Variants in TEX53 observed in about 807,000 individuals in gnomAD.
TEX53 encodes the protein testis-expressed protein 53.
At chr9:114,656,973 T>C (rs1589372042) in intron 1 of TEX53, among the ~76,000 whole-genome samples, 2 of 152,124 alleles carry the variant, frequency 1.3e-5, no homozygotes, top group African/African-American at 2.4e-5. Context: ...GCCTCCTCGG[T>C]TCACTCCATT....
At chr9:114,657,184 TGTC>T (rs1470833756) in intron 1 of TEX53, among the ~76,000 whole-genome samples, 3 of 152,192 alleles carry the variant, frequency 2.0e-5, no homozygotes, top group African/African-American at 7.2e-5. Flanking sequence ...CCTTGTTGAA[TGTC>T]TTCTTTGTGT....
chr9:114,657,263 C>T (rs548749595), intron 1 of TEX53, among the ~76,000 whole-genome samples: 1 of 152,210 alleles, frequency 6.6e-6, no homozygotes, highest in South Asian at 2.1e-4. Flanking sequence ...GCACAGTGGG[C>T]AATATATTAT....
intron 1 of TEX53, among the ~76,000 whole-genome samples, chr9:114,656,890 G>C (rs1564312144): frequency 6.6e-6 from 1 of 150,896 alleles, no homozygotes; most frequent in East Asian, 1.9e-4. Flanking sequence ...CTTTTTTTTT[G>C]TTTTGAGGTG....
intron 1 of TEX53, 115 bp downstream of exon 1, chr9:114,657,551 C>G (rs1827727197): frequency 2.5e-6 from 1 of 397,078 alleles, no homozygotes; most frequent in Non-Finnish European, 4.4e-6. Flanking sequence ...TCCACACTCC[C>G]AGAAGGCTGA....
In TEX53 at chr9:114,656,341, C is replaced by T. The variant is rs143376311; in HGVS notation, c.*188G>A. 9.7e-3 allele frequency: 3,740 copies of T among 386,478 alleles called. 27 individuals are homozygous for T. Among genetic ancestry groups the T allele is most frequent in the Middle Eastern group, 0.025 (38 of 1,524 alleles). 23.9% of individuals were successfully genotyped at this position (386,478 alleles called of 1,614,324 possible). On this transcript the variant is annotated 3_prime_UTR_variant, in exon 2 of 2. Transcript: ENST00000423632. ...GGACTTTAATTGGAGGCGGCTCCCC[C>T]CCACGGTGGCTTTTTCAGAAGCTGG...
In TEX53 at chr9:114,656,343, C is replaced by G. The variant is rs547983093; in HGVS notation, c.*186G>C. ...ACTTTAATTGGAGGCGGCTCCCCCC[C>G]ACGGTGGCTTTTTCAGAAGCTGGAG... is the stretch of plus-strand genomic sequence containing the variant. On this transcript the variant is annotated 3_prime_UTR_variant, in exon 2 of 2. Coordinates refer to ENST00000423632, the MANE Select transcript of TEX53 (RefSeq NM_001354645.2). The G allele has an allele frequency of 4.1e-5, 16 of 386,920 alleles. No individual in the cohort carries two copies. Among genetic ancestry groups the G allele is most frequent in the African/African-American group, 2.5e-4 (12 of 48,278 alleles). 24.0% of individuals were successfully genotyped at this position (386,920 alleles called of 1,614,324 possible).
rs1465569682 is a variant in TEX53 at position 114,656,514 on chromosome 9, C to T, written c.*15G>A. The T allele has an allele frequency of 1.0e-5, 4 of 398,398 alleles. No homozygotes were observed. The highest frequency in any genetic ancestry group is 2.1e-5 in the African/African-American group (1 of 48,600). 24.7% of individuals were successfully genotyped at this position (398,398 alleles called of 1,614,324 possible). ...GCAGCCGCAGGGACCACGTGGGTGCCGCCGGCTAGAATGCTCATGGCCTCC... is the reference window on the plus strand; with the variant it reads ...GCAGCCGCAGGGACCACGTGGGTGCTGCCGGCTAGAATGCTCATGGCCTCC... On this transcript the variant is annotated 3_prime_UTR_variant, in exon 2 of 2. Coordinates refer to ENST00000423632, the MANE Select transcript of TEX53 (RefSeq NM_001354645.2).
chr9:114,656,384 G>T lies in TEX53; in HGVS notation c.*145C>A. ...GAAGCTGGAGTGACTCTTGGTGGTG[G>T]CACAGGGATGGCTCAGACGTCTTCT... On this transcript the variant is annotated 3_prime_UTR_variant, in exon 2 of 2. Coordinates refer to ENST00000423632, the MANE Select transcript of TEX53 (RefSeq NM_001354645.2). 1 of 390,142 alleles carries T rather than the reference G, an allele frequency of 2.6e-6. No homozygotes were observed. Among genetic ancestry groups the T allele is most frequent in the Non-Finnish European group, 4.5e-6 (1 of 221,324 alleles). 24.2% of individuals were successfully genotyped at this position (390,142 alleles called of 1,614,324 possible). A position where few individuals can be genotyped will look rare whatever the true frequency, so the allele number is the denominator to read the frequency against.
rs1361001150 is a variant in TEX53, at chr9:114,657,736, G to T, written c.39C>A (p.Ser13Arg). ...AGCCAACAGTGGTGGAAGACCCCTCGCTGGTCTTGCGGCAACAACAGAAGA... is the reference window on the plus strand; with the variant it reads ...AGCCAACAGTGGTGGAAGACCCCTCTCTGGTCTTGCGGCAACAACAGAAGA... Reference protein sequence around the residue: ...SKIFCCCRKTSEGSSTTVGFH... With the variant: ...SKIFCCCRKTREGSSTTVGFH... Residue 13 changes from serine (S) to arginine (R), a missense_variant, in exon 1 of 2, where the codon AGC becomes AGA. By Grantham distance (110) the Ser-to-Arg change is moderately radical. Coordinates refer to ENST00000423632, the MANE Select transcript of TEX53 (RefSeq NM_001354645.2). 5.0e-6 allele frequency: 2 copies of T among 398,682 alleles called. No homozygotes were observed. Among genetic ancestry groups the T allele is most frequent in the African/African-American group, 2.1e-5 (1 of 48,754 alleles). The allele number at this position is 398,682 out of a possible 1,614,324, so 24.7% of individuals were successfully genotyped here.
rs143376311 is a variant in TEX53, at chr9:114,656,341, C to G, written c.*188G>C. 23 of 386,378 alleles carry G rather than the reference C, an allele frequency of 6.0e-5. No homozygotes were observed. The highest frequency in any genetic ancestry group is 4.8e-4 in the East Asian group (13 of 27,134). The allele number at this position is 386,378 out of a possible 1,614,324, so 23.9% of individuals were successfully genotyped here. A position where few individuals can be genotyped will look rare whatever the true frequency, so the allele number is the denominator to read the frequency against. Reference sequence around the variant, plus strand: ...GGACTTTAATTGGAGGCGGCTCCCCCCCACGGTGGCTTTTTCAGAAGCTGG... The same window carrying G: ...GGACTTTAATTGGAGGCGGCTCCCCGCCACGGTGGCTTTTTCAGAAGCTGG... On this transcript the variant is annotated 3_prime_UTR_variant, in exon 2 of 2. Coordinates refer to ENST00000423632, the MANE Select transcript of TEX53 (RefSeq NM_001354645.2).
chr9:114,657,551 C>T, intron 1 of TEX53, 115 bp downstream of exon 1: 1 of 397,196 alleles, frequency 2.5e-6, no homozygotes, highest in Admixed American at 4.4e-5. Context: ...TCCACACTCC[C>T]AGAAGGCTGA....
At position 114,656,617 on chromosome 9, in the gene TEX53, G is replaced by C; in HGVS notation, c.125C>G (p.Ser42Cys). 2.5e-6 allele frequency: 1 copy of C among 398,608 alleles called. No individual in the cohort carries two copies. Among genetic ancestry groups the C allele is most frequent in the Non-Finnish European group, 4.4e-6 (1 of 226,058 alleles). 24.7% of individuals were successfully genotyped at this position (398,608 alleles called of 1,614,324 possible). ...HPRSFNLNTN[S>C]LHSAVPKRHP... ...TCTTTTTGGTACAGCACTGTGGAGA[G>C]AATTTGTGTTCAGATCTGAAAGAAC... The change falls in exon 2 of 2, where the codon TCT becomes TGT. Residue 42 changes from serine (S) to cysteine (C), a missense_variant. Physicochemically the swap from Ser to Cys is moderately radical, Grantham distance 112 (BLOSUM62 -1). Transcript: ENST00000423632.
intron 1 of TEX53, among the ~76,000 whole-genome samples, chr9:114,657,324 C>G (rs984682518): frequency 6.6e-6 from 1 of 152,148 alleles, no homozygotes; most frequent in Non-Finnish European, 1.5e-5. Context: ...GAGGGAGGGT[C>G]GGCGACATGC....
chr9:114,657,123 G>A (rs1042325404), intron 1 of TEX53, among the ~76,000 whole-genome samples: 4 of 152,132 alleles, frequency 2.6e-5, no homozygotes, highest in Non-Finnish European at 4.4e-5. Flanking sequence ...TGATCTGCCC[G>A]CCTCAGTCTC....
chr9:114,657,588 A>G, intron 1 of TEX53, 78 bp downstream of exon 1: 1 of 398,226 alleles, frequency 2.5e-6, no homozygotes, highest in Non-Finnish European at 4.4e-6. Flanking sequence ...TCCCAGCAGG[A>G]GGTGGCCGGG....
intron 1 of TEX53, 149 bp from the exon 2 acceptor site, chr9:114,656,781 C>G (rs191575183): frequency 5.1e-6 from 2 of 393,276 alleles, no homozygotes; most frequent in Non-Finnish European, 9.0e-6. Flanking sequence ...AGAATGATCT[C>G]GAGCTGGGTG....
chr9:114,656,531 A>G lies in TEX53; in HGVS notation c.211T>C (p.Ter71ArgextTer3), dbSNP rs1432093298. The G allele has an allele frequency of 7.5e-6, 3 of 398,522 alleles. No individual in the cohort carries two copies. Among genetic ancestry groups the G allele is most frequent in the Non-Finnish European group, 8.8e-6 (2 of 226,082 alleles). 24.7% of individuals were successfully genotyped at this position (398,522 alleles called of 1,614,324 possible). A position where few individuals can be genotyped will look rare whatever the true frequency, so the allele number is the denominator to read the frequency against. ...MLKACILRRP[*>R] Reference sequence around the variant, plus strand: ...GTGGGTGCCGCCGGCTAGAATGCTCATGGCCTCCTAAGGATGCACGCCTTG... The same window carrying G: ...GTGGGTGCCGCCGGCTAGAATGCTCGTGGCCTCCTAAGGATGCACGCCTTG... The change falls in exon 2 of 2, where the codon TGA becomes CGA. Residue 71 changes from the stop codon to arginine, a stop_lost. Coordinates refer to ENST00000423632, the MANE Select transcript of TEX53 (RefSeq NM_001354645.2).
chr9:114,656,940 G>A (rs957483709), intron 1 of TEX53, among the ~76,000 whole-genome samples: 3 of 152,042 alleles, frequency 2.0e-5, no homozygotes, highest in Admixed American at 1.3e-4. Context: ...GCAGTGGCGC[G>A]ATCTCGGCTC....
At position 114,656,585 on chromosome 9, in the gene TEX53, G is replaced by A. The variant is rs982775542; in HGVS notation, c.157C>T (p.Arg53Cys). The change falls in exon 2 of 2, where the codon CGC becomes TGC. Residue 53 changes from arginine to cysteine, a missense_variant. Coordinates refer to ENST00000423632, the MANE Select transcript of TEX53 (RefSeq NM_001354645.2). ...LHSAVPKRHP[R>C]LPYDNRMMLK... ...ATCATGCGGTTGTCATAGGGGAGGC[G>A]TGGATGTCTTTTTGGTACAGCACTG... 2.5e-6 allele frequency: 1 copy of A among 398,622 alleles called. No individual in the cohort carries two copies. Among genetic ancestry groups the A allele is most frequent in the African/African-American group, 2.1e-5 (1 of 48,738 alleles). The allele number at this position is 398,622 out of a possible 1,614,324, so 24.7% of individuals were successfully genotyped here. A position where few individuals can be genotyped will look rare whatever the true frequency, so the allele number is the denominator to read the frequency against.
Sources: gnomAD v4.1 joint callset for allele counts (sites outside exome capture counted in the v4.1 genomes callset) on GRCh38, gnomAD v4.1.1 for gene constraint, MANE v1.5 for transcripts, NCBI Gene and HGNC (gene_info 2026-07-23, HGNC 2026-07-21) for gene names.